Variants in YIPF7 observed in about 807,000 individuals in gnomAD.
YIPF7 encodes the protein Yip1 domain family member 7, also known as protein YIPF7.
A neutral mutation model predicts 27.2 loss-of-function variants in YIPF7; 35 were observed. That is an observed-to-expected ratio of 1.29 (90% CI 0.98 to 1.70). The LOEUF (loss-of-function observed/expected upper bound fraction) is 1.70, where lower values mean the gene tolerates loss of function less well. Ranked by LOEUF, YIPF7 falls within the 40% of genes most tolerant of loss-of-function variation. YIPF7 has a pLI of 0.00. For missense variants in YIPF7, 358 were observed against 303.7 expected (o/e 1.18, Z -1.33); for synonymous variants, 137 against 110.4 (o/e 1.24, Z -1.51).
Position 44,622,319 on chromosome 4 carries a change from A to G in YIPF7, c.*95T>C. On this transcript the variant is annotated 3_prime_UTR_variant, in exon 6 of 6. Transcript: ENST00000415895. ...TGCTTATTACTCTCTCAAAAGCAAT[A>G]AAACAGAAATCATATCACCAAATTT... is the stretch of plus-strand genomic sequence containing the variant. The G allele has an allele frequency of 1.4e-6, 2 of 1,428,424 alleles. No individual in the cohort carries two copies. The highest frequency in any genetic ancestry group is 1.9e-6 in the Non-Finnish European group (2 of 1,064,102). The allele number at this position is 1,428,424 out of a possible 1,614,324, so 88.5% of individuals were successfully genotyped here. A position where few individuals can be genotyped will look rare whatever the true frequency, so the allele number is the denominator to read the frequency against.
intron 2 of YIPF7, among the ~76,000 whole-genome samples, chr4:44,649,465 G>A (rs1713647047): frequency 6.6e-6 from 1 of 152,132 alleles, no homozygotes; most frequent in Non-Finnish European, 1.5e-5. Context: ...ATAATATTAA[G>A]ACTTCTTAAA....
At chr4:44,633,100 A>G (rs890585906) in intron 3 of YIPF7, among the ~76,000 whole-genome samples, 4 of 152,176 alleles carry the variant, frequency 2.6e-5, no homozygotes, top group Non-Finnish European at 5.9e-5. Context: ...CACGCTTGTT[A>G]TGAGAATCTA....
At chr4:44,627,704 T>C (rs945938828) in intron 4 of YIPF7, among the ~76,000 whole-genome samples, 1 of 152,168 alleles carries the variant, frequency 6.6e-6, no homozygotes, top group African/African-American at 2.4e-5. Context: ...TTTTCACATA[T>C]TCTCCACAAT....
intron 4 of YIPF7, among the ~76,000 whole-genome samples, chr4:44,626,184 C>G (rs113836043): frequency 3.0e-3 from 457 of 152,262 alleles, no homozygotes; most frequent in African/African-American, 0.01. Context: ...AGAATTGTCT[C>G]CAGCATTAGC....
At chr4:44,650,936 G>A (rs1713715837) in intron 1 of YIPF7, among the ~76,000 whole-genome samples, 1 of 152,094 alleles carries the variant, frequency 6.6e-6, no homozygotes. Flanking sequence ...GAATAGAGAA[G>A]CGACTCTTTT....
upstream of YIPF7, among the ~76,000 whole-genome samples, chr4:44,654,777 T>A (rs546421248): frequency 9.2e-5 from 14 of 151,990 alleles, no homozygotes; most frequent in South Asian, 2.1e-4. Context: ...TTCTGTCTCT[T>A]AAATATATCT....
chr4:44,654,503 T>C (rs1577746139), upstream of YIPF7, among the ~76,000 whole-genome samples: 2 of 152,054 alleles, frequency 1.3e-5, no homozygotes, highest in Admixed American at 1.3e-4. Context: ...CTCTCTGAAC[T>C]CTCTCTTAAG....
chr4:44,660,003 A>C (rs934592653), intron 2 of YIPF7, among the ~76,000 whole-genome samples: 3 of 149,948 alleles, frequency 2.0e-5, no homozygotes, highest in African/African-American at 7.4e-5. Context: ...AGTCCCAGCT[A>C]CTCGGGAGGC....
chr4:44,642,118 A>T (rs1397920147), intron 2 of YIPF7, among the ~76,000 whole-genome samples: 2 of 152,176 alleles, frequency 1.3e-5, no homozygotes, highest in Admixed American at 6.5e-5. Flanking sequence ...AGGTGCTACT[A>T]ATCAGGCTTG....
At chr4:44,653,273 G>A (rs1222928809), upstream of YIPF7, among the ~76,000 whole-genome samples, 3 of 152,090 alleles carry the variant, frequency 2.0e-5, no homozygotes, top group African/African-American at 7.2e-5. Flanking sequence ...CCGTGGTAAA[G>A]AGTCTAAAGG....
chr4:44,651,695 C>T (rs1264517313), upstream of YIPF7: 1 of 1,155,750 alleles, frequency 8.7e-7, no homozygotes, highest in Non-Finnish European at 1.2e-6. Flanking sequence ...TGAGCAGATG[C>T]TACAGTCAAA....
intron 2 of YIPF7, among the ~76,000 whole-genome samples, chr4:44,659,462 A>G (rs1342837572): frequency 2.6e-5 from 4 of 152,206 alleles, no homozygotes; most frequent in African/African-American, 7.2e-5. Flanking sequence ...CTCCTAATTC[A>G]AAATAAAAGG....
chr4:44,622,640 G>T, intron 5 of YIPF7, 64 bp from the exon 6 acceptor site: 4 of 1,565,978 alleles, frequency 2.6e-6, no homozygotes, highest in Non-Finnish European at 3.5e-6. Flanking sequence ...AGTTAAAGTT[G>T]CCTCTGAAAT....
At chr4:44,659,182 C>G (rs950264148) in intron 2 of YIPF7, among the ~76,000 whole-genome samples, 1 of 151,936 alleles carries the variant, frequency 6.6e-6, no homozygotes, top group Non-Finnish European at 1.5e-5. Context: ...AGAGCCACAG[C>G]GTACTGGGGT....
intron 2 of YIPF7, among the ~76,000 whole-genome samples, chr4:44,638,207 GGA>G (rs1348578962): frequency 1.3e-5 from 1 of 75,910 alleles, no homozygotes; most frequent in Non-Finnish European, 2.3e-5. Context: ...TTGAGTTTCA[GGA>G]TTTTTTTTTT....
chr4:44,648,108 T>C (rs1245334358), intron 2 of YIPF7, among the ~76,000 whole-genome samples: 1 of 152,168 alleles, frequency 6.6e-6, no homozygotes, highest in East Asian at 1.9e-4. Flanking sequence ...ACCCCATTTC[T>C]TACTAGATGT....
chr4:44,654,481 T>G (rs1037749952), upstream of YIPF7, among the ~76,000 whole-genome samples: 1 of 151,872 alleles, frequency 6.6e-6, no homozygotes, highest in Non-Finnish European at 1.5e-5. Flanking sequence ...TTTCCTTCTC[T>G]CCCTCAGTTC....
At chr4:44,659,831 T>C (rs1043374146) in intron 2 of YIPF7, among the ~76,000 whole-genome samples, 1 of 152,006 alleles carries the variant, frequency 6.6e-6, no homozygotes, top group Non-Finnish European at 1.5e-5. Context: ...AACAAAATCT[T>C]GGCCAGGCGC....
intron 2 of YIPF7, among the ~76,000 whole-genome samples, chr4:44,644,594 C>T (rs1184359764): frequency 6.6e-6 from 1 of 152,122 alleles, no homozygotes; most frequent in Non-Finnish European, 1.5e-5. Flanking sequence ...TTTGATTTTA[C>T]AGGATCATAG....
Sources: gnomAD v4.1 joint callset for allele counts (sites outside exome capture counted in the v4.1 genomes callset) on GRCh38, gnomAD v4.1.1 for gene constraint, MANE v1.5 for transcripts, NCBI Gene and HGNC (gene_info 2026-07-23, HGNC 2026-07-21) for gene names.